Variants in SOX6 observed in about 807,000 individuals in gnomAD.
SOX6 encodes the protein transcription factor SOX-6.
In SOX6, 11 loss-of-function variants were observed where a neutral mutation model predicts 97.8. The ratio of observed to expected loss-of-function variants is 0.11; its 90% CI spans 0.07 to 0.19. The LOEUF is 0.19. Among genes scored for constraint, SOX6 ranks in the 10% least tolerant of loss-of-function variants. The pLI is 1.00. For synonymous variants in SOX6, 360 were observed against 371.4 expected, an observed-to-expected ratio of 0.97 and a Z score of 0.35; for missense variants, 810 against 1,039.5, an observed-to-expected ratio of 0.78 and a Z score of 3.04.
At chr11:16,508,723 G>C (rs1042414825) in intron 4 of SOX6, among the ~76,000 whole-genome samples, 1 of 152,064 alleles carries the variant, frequency 6.6e-6, no homozygotes, top group African/African-American at 2.4e-5. Flanking sequence ...GTTGGTTAAT[G>C]AGTACAAACC....
chr11:16,475,121 T>C (rs1860209661), intron 1 of SOX6, among the ~76,000 whole-genome samples: 1 of 152,240 alleles, frequency 6.6e-6, no homozygotes, highest in South Asian at 2.1e-4. Flanking sequence ...AGGGCCTTGC[T>C]CCGGATTATG....
upstream of SOX6, among the ~76,000 whole-genome samples, chr11:16,477,744 G>T (rs922536537): frequency 6.6e-6 from 1 of 152,040 alleles, no homozygotes; most frequent in African/African-American, 2.4e-5. Context: ...GTGGGCATTT[G>T]GACAGCTTTA....
At chr11:16,186,980 T>C in intron 4 of SOX6, 25 bp from the exon 5 acceptor site, 2 of 1,613,272 alleles carry the variant, frequency 1.2e-6, no homozygotes, top group Non-Finnish European at 1.7e-6. Context: ...AGAAGAGATC[T>C]CACAAGCTTG....
intron 3 of SOX6, among the ~76,000 whole-genome samples, chr11:16,238,580 C>T (rs1338960877): frequency 6.6e-6 from 1 of 151,976 alleles, no homozygotes; most frequent in Admixed American, 6.6e-5. Context: ...GTCAGACAAA[C>T]CTGCAGCAGT....
intron 1 of SOX6, among the ~76,000 whole-genome samples, chr11:16,368,191 G>T (rs1488699242): frequency 6.6e-5 from 10 of 152,094 alleles, no homozygotes; most frequent in Admixed American, 6.6e-4. Context: ...AAAGATCATT[G>T]AACACAATAA....
intron 3 of SOX6, among the ~76,000 whole-genome samples, chr11:16,632,547 C>T (rs766085311): frequency 6.6e-5 from 10 of 152,370 alleles, no homozygotes; most frequent in East Asian, 1.9e-4. Context: ...TCCTGCTCAG[C>T]CCTGGGGCAG....
chr11:16,625,784 C>A (rs886657734), intron 3 of SOX6, among the ~76,000 whole-genome samples: 5 of 152,086 alleles, frequency 3.3e-5, no homozygotes, highest in Non-Finnish European at 4.4e-5. Context: ...CAGAGGGTGG[C>A]ACCCTTAAGA....
intron 3 of SOX6, among the ~76,000 whole-genome samples, chr11:16,308,466 A>G (rs1855502347): frequency 6.6e-6 from 1 of 152,196 alleles, no homozygotes. Flanking sequence ...ATAAGTTAAA[A>G]AGAGTTAGGA....
At chr11:16,085,841 T>A (rs971820059) in intron 9 of SOX6, among the ~76,000 whole-genome samples, 2 of 152,190 alleles carry the variant, frequency 1.3e-5, no homozygotes, top group Non-Finnish European at 2.9e-5. Flanking sequence ...CATTTCCACA[T>A]CCATTGTGCT....
chr11:16,024,292 C>T (rs576242633), intron 12 of SOX6, among the ~76,000 whole-genome samples: 9 of 152,064 alleles, frequency 5.9e-5, no homozygotes, highest in South Asian at 2.1e-4. Flanking sequence ...TGTTTAAGTC[C>T]GCTGTCTCTG....
chr11:16,280,196 A>G (rs887942584), intron 3 of SOX6, among the ~76,000 whole-genome samples: 3 of 152,090 alleles, frequency 2.0e-5, no homozygotes, highest in African/African-American at 7.2e-5. Context: ...TTTGTCGAAA[A>G]TGCAGATACA....
intron 12 of SOX6, among the ~76,000 whole-genome samples, chr11:16,033,452 G>T (rs1007848620): frequency 6.6e-6 from 1 of 152,138 alleles, no homozygotes; most frequent in African/African-American, 2.4e-5. Flanking sequence ...AAAGGCTCCT[G>T]TTCTTTATTT....
At chr11:16,008,234 A>T (rs542998894) in intron 13 of SOX6, among the ~76,000 whole-genome samples, 1 of 152,202 alleles carries the variant, frequency 6.6e-6, no homozygotes, top group East Asian at 1.9e-4. Flanking sequence ...ACAACCAGCC[A>T]TTTTTTGTGT....
At chr11:16,145,587 T>C (rs1341541250) in intron 6 of SOX6, among the ~76,000 whole-genome samples, 2 of 152,202 alleles carry the variant, frequency 1.3e-5, no homozygotes. Context: ...GACCTGATTG[T>C]ATATTTAGAA....
intron 4 of SOX6, among the ~76,000 whole-genome samples, chr11:16,200,007 A>T (rs1851890542): frequency 6.6e-6 from 1 of 152,210 alleles, no homozygotes; most frequent in Non-Finnish European, 1.5e-5. Context: ...ATACACTGGT[A>T]TCAGAAAACA....
intron 3 of SOX6, among the ~76,000 whole-genome samples, chr11:16,642,615 T>C (rs188066394): frequency 5.3e-4 from 80 of 152,342 alleles, no homozygotes; most frequent in Admixed American, 1.4e-3. Flanking sequence ...GTTCATTTCT[T>C]TTTAGTCTTT....
rs181184686 is a variant in SOX6 at position 16,516,425 on chromosome 11, T to C, written n.610-40037A>G. Among the ~76,000 whole-genome samples, 1,374 of 152,308 alleles carry C rather than the reference T, an allele frequency of 9.0e-3. 8 individuals are homozygous for C. Among genetic ancestry groups the C allele is most frequent in the Non-Finnish European group, 0.014 (966 of 68,028 alleles). On this transcript the variant is annotated intron_variant and non_coding_transcript_variant, in intron 4 of 5. Coordinates refer to the SOX6 transcript ENST00000524520. The stretch of plus-strand genomic sequence containing the variant: ...TATCCTGAGACTTTGCTGAAGTTGC[T>C]TATGAGCTTAAGGAGATTTTGGGCT...
chr11:16,244,889 C>T (rs1853292825), intron 3 of SOX6, among the ~76,000 whole-genome samples: 1 of 151,652 alleles, frequency 6.6e-6, no homozygotes, highest in Admixed American at 6.6e-5. Context: ...TTTGAAATCA[C>T]GTGGAATAAG....
chr11:16,608,226 G>C (rs1167019060), intron 4 of SOX6, among the ~76,000 whole-genome samples: 1 of 152,116 alleles, frequency 6.6e-6, no homozygotes, highest in Non-Finnish European at 1.5e-5. Flanking sequence ...GAAAAAAAAG[G>C]AGCAAACTGG....
Sources: allele counts gnomAD v4.1 joint callset (sites outside exome capture counted in the v4.1 genomes callset), GRCh38; gene constraint gnomAD v4.1.1; transcripts MANE v1.5; gene names NCBI Gene and HGNC (gene_info 2026-07-23, HGNC 2026-07-21).